ALKBH1: variants seen among roughly 807,000 people sequenced by gnomAD.
ALKBH1 encodes alkB homolog 1, histone H2A dioxygenase, also known as nucleic acid dioxygenase ALKBH1.
A neutral mutation model predicts 36.6 loss-of-function variants in ALKBH1; 31 were observed. The ratio of observed to expected loss-of-function variants is 0.85; its 90% CI spans 0.64 to 1.14. ALKBH1 has a LOEUF of 1.14. Among genes scored for constraint, ALKBH1 ranks in the 50% most tolerant of loss-of-function variants. The probability of loss-of-function intolerance (pLI) is 0.00; values close to 1 mark genes in which losing one functional copy is unlikely to be tolerated. For synonymous variants in ALKBH1, 183 were observed against 186.6 expected (o/e 0.98, Z 0.16); for missense variants, 490 against 497.3 (o/e 0.99, Z 0.14).
At chr14:77,683,174 A>T (rs1190426714) in intron 3 of ALKBH1, 1 of 537,384 alleles carries the variant, frequency 1.9e-6, no homozygotes, top group African/African-American at 2.1e-5. Context: ...TTTTTTTTAC[A>T]AACAGTCCAG....
At chr14:77,703,593 CTTT>C (rs200488919) in intron 2 of ALKBH1, among the ~76,000 whole-genome samples, 3 of 112,894 alleles carry the variant, frequency 2.7e-5, no homozygotes, top group African/African-American at 3.6e-5. Flanking sequence ...CTGCGTCCAG[CTTT>C]TTTTTTTTTT....
chr14:77,687,110 TTA>T (rs1252203648), intron 3 of ALKBH1, among the ~76,000 whole-genome samples: 3 of 152,224 alleles, frequency 2.0e-5, no homozygotes, highest in Non-Finnish European at 2.9e-5. Flanking sequence ...TCTCAAGTCC[TTA>T]GTTTTGTTCT....
At chr14:77,679,266 A>C (rs898087780) in intron 4 of ALKBH1, among the ~76,000 whole-genome samples, 2 of 152,176 alleles carry the variant, frequency 1.3e-5, no homozygotes, top group Admixed American at 1.3e-4. Context: ...AAAAAAGAAA[A>C]AGAAAAAGAA....
intron 3 of ALKBH1, among the ~76,000 whole-genome samples, chr14:77,681,248 G>C (rs1175063544): frequency 6.6e-6 from 1 of 152,162 alleles, no homozygotes; most frequent in Admixed American, 6.5e-5. Flanking sequence ...TAGTACTAAA[G>C]TAAACAGCAG....
At chr14:77,689,735 G>A (rs997356984) in intron 3 of ALKBH1, among the ~76,000 whole-genome samples, 1 of 151,990 alleles carries the variant, frequency 6.6e-6, no homozygotes, top group African/African-American at 2.4e-5. Context: ...TCCACAATGA[G>A]GGTAACAGTG....
intron 2 of ALKBH1, among the ~76,000 whole-genome samples, chr14:77,703,362 C>T (rs1000510216): frequency 4.5e-4 from 67 of 149,944 alleles, no homozygotes; most frequent in Non-Finnish European, 8.1e-4. Context: ...GGCACAATCT[C>T]GGCTCAACAA....
At position 77,675,648 on chromosome 14, in the gene ALKBH1, T is replaced by G; in HGVS notation, c.740+8A>C. 1 of 1,590,642 alleles carries G rather than the reference T, an allele frequency of 6.3e-7. No individual in the cohort carries two copies. The highest frequency in any genetic ancestry group is 8.6e-7 in the Non-Finnish European group (1 of 1,162,850). On this transcript the variant is annotated splice_region_variant and intron_variant, in intron 5 of 5. Coordinates refer to ENST00000216489, the MANE Select transcript of ALKBH1 (RefSeq NM_006020.3). ...AAAAGTAATCCCAAATCCCTGGAAC[T>G]AACTCACCTGAATGACAGCAAGGGT...
chr14:77,706,647 C>T (rs1161550535), intron 1 of ALKBH1, among the ~76,000 whole-genome samples: 2 of 152,142 alleles, frequency 1.3e-5, no homozygotes, highest in Admixed American at 1.3e-4. Context: ...TGGCTCATTC[C>T]CTGATGGCTG....
intron 2 of ALKBH1, among the ~76,000 whole-genome samples, chr14:77,700,261 C>T (rs1413277103): frequency 6.6e-6 from 1 of 152,044 alleles, no homozygotes; most frequent in African/African-American, 2.4e-5. Flanking sequence ...TTACTAAAAG[C>T]ACTTAAAATT....
Position 77,680,677 on chromosome 14 carries a change from C to CTTTTTTTTTT in ALKBH1, c.456-717_456-708dup, listed in dbSNP as rs1555383644. ...GATCAAATCTATGTGATTAACTACT[C>CTTTTTTTTTT]TTTTTTTTTTTTTTTTTTTGAGACA... On this transcript the variant is annotated intron_variant, in intron 3 of 5. Coordinates refer to ENST00000216489, the MANE Select transcript of ALKBH1 (RefSeq NM_006020.3). Among the ~76,000 whole-genome samples, 476 of 124,058 alleles carry CTTTTTTTTTT rather than the reference C, an allele frequency of 3.8e-3. 17 individuals are homozygous for CTTTTTTTTTT. Among genetic ancestry groups the CTTTTTTTTTT allele is most frequent in the African/African-American group, 6.9e-3 (215 of 31,252 alleles). 81.4% of individuals were successfully genotyped at this position (124,058 alleles called of 152,430 possible).
chr14:77,703,247 T>C (rs1333571960), intron 2 of ALKBH1, among the ~76,000 whole-genome samples: 2 of 151,856 alleles, frequency 1.3e-5, no homozygotes, highest in East Asian at 1.9e-4. Flanking sequence ...CCTTCTAAAG[T>C]GTTGGGATTA....
At chr14:77,677,724 C>T (rs2080213584) in intron 4 of ALKBH1, among the ~76,000 whole-genome samples, 1 of 152,090 alleles carries the variant, frequency 6.6e-6, no homozygotes, top group Non-Finnish European at 1.5e-5. Flanking sequence ...ATTTTTTCTC[C>T]TTTTACTGAA....
chr14:77,696,070 C>T (rs771743983), intron 2 of ALKBH1, among the ~76,000 whole-genome samples: 1 of 152,074 alleles, frequency 6.6e-6, no homozygotes, highest in South Asian at 2.1e-4. Context: ...CCAGCCTGGG[C>T]GACAGAGCCA....
In ALKBH1 at chr14:77,704,401, T is replaced by C; in HGVS notation, c.260A>G (p.Lys87Arg). ...AYRAGLQPVS[K>R]WQAYGLKGYP... is the part of the protein sequence containing the mutation. ...GCCTTTGAGTCCATAGGCTTGCCAC[T>C]TGCTGACGGGCTGAAGACCTGCTCT... The change falls in exon 2 of 6, where the codon AAG becomes AGG. Residue 87 changes from lysine to arginine, a missense_variant. Lys to Arg is a conservative substitution (Grantham distance 26). Transcript: ENST00000216489. The C allele has an allele frequency of 1.2e-6, 2 of 1,614,188 alleles. No homozygotes were observed. The highest frequency in any genetic ancestry group is 8.5e-7 in the Non-Finnish European group (1 of 1,180,010).
At chr14:77,688,846 A>G (rs2080282917) in intron 3 of ALKBH1, among the ~76,000 whole-genome samples, 1 of 152,174 alleles carries the variant, frequency 6.6e-6, no homozygotes. Context: ...TGCTGGGATT[A>G]TAGGTGTGAG....
At chr14:77,686,373 A>G (rs2080268274) in intron 3 of ALKBH1, among the ~76,000 whole-genome samples, 1 of 152,230 alleles carries the variant, frequency 6.6e-6, no homozygotes, top group African/African-American at 2.4e-5. Flanking sequence ...AATGCAGGAA[A>G]TACGTTGGCA....
At chr14:77,683,849 G>C (rs1392741977) in intron 3 of ALKBH1, 1 of 163,730 alleles carries the variant, frequency 6.1e-6, no homozygotes, top group Non-Finnish European at 1.3e-5. Context: ...TGGGATTACA[G>C]GCATGTGCCA....
intron 3 of ALKBH1, chr14:77,683,234 G>A: frequency 1.3e-6 from 1 of 746,804 alleles, no homozygotes; most frequent in South Asian, 1.4e-5. Context: ...ATAGGTTCCA[G>A]CAGCTCAGGC....
chr14:77,680,696 T>TTTTTTTTTTA, intron 3 of ALKBH1, among the ~76,000 whole-genome samples: 10 of 147,414 alleles, frequency 6.8e-5, no homozygotes, highest in South Asian at 2.1e-4. Context: ...TTTTTTTTTT[T>TTTTTTTTTTA]GAGACAGAGT....
Sources: gnomAD v4.1 joint callset for allele counts (sites outside exome capture counted in the v4.1 genomes callset) on GRCh38, gnomAD v4.1.1 for gene constraint, MANE v1.5 for transcripts, NCBI Gene and HGNC (gene_info 2026-07-23, HGNC 2026-07-21) for gene names.